TSBP1: variants seen among roughly 807,000 people sequenced by gnomAD.
The protein encoded by TSBP1 is testis expressed basic protein 1.
A neutral mutation model predicts 68.8 loss-of-function variants in TSBP1; 56 were observed. The ratio of observed to expected loss-of-function variants is 0.81; its 90% CI spans 0.66 to 1.02. TSBP1 has a LOEUF of 1.02. TSBP1 is among the 50% of genes least tolerant of loss of function. TSBP1 has a pLI of 0.00. For missense variants in TSBP1, 502 were observed against 641.2 expected (o/e 0.78, Z 2.34); for synonymous variants, 171 against 208.7 (o/e 0.82, Z 1.56).
chr6:32,363,508 TTC>T (rs752161035), intron 6 of TSBP1, among the ~76,000 whole-genome samples: 3 of 151,464 alleles, frequency 2.0e-5, no homozygotes, highest in Non-Finnish European at 4.4e-5. Context: ...TTTAATATCT[TTC>T]TGTTTTGTGT....
intron 8 of TSBP1, among the ~76,000 whole-genome samples, chr6:32,352,489 A>G (rs1215899331): frequency 6.6e-6 from 1 of 151,942 alleles, no homozygotes; most frequent in African/African-American, 2.4e-5. Context: ...GGTAGAAAAG[A>G]AGATTTAAAA....
chr6:32,322,205 G>C (rs1562102242), intron 18 of TSBP1, among the ~76,000 whole-genome samples: 1 of 152,198 alleles, frequency 6.6e-6, no homozygotes, highest in Non-Finnish European at 1.5e-5. Context: ...GTGAAAGGCG[G>C]TTTCACGAAT....
intron 22 of TSBP1, among the ~76,000 whole-genome samples, chr6:32,297,267 G>A (rs1260051081): frequency 6.6e-6 from 1 of 152,108 alleles, no homozygotes; most frequent in African/African-American, 2.4e-5. Context: ...CTGGCTGCAA[G>A]TACATTTATT....
Position 32,366,262 on chromosome 6 carries a change from C to T in TSBP1, c.196+11G>A, listed in dbSNP as rs1773700362. The T allele has an allele frequency of 1.9e-6, 3 of 1,595,616 alleles. No individual in the cohort carries two copies. The highest frequency in any genetic ancestry group is 1.2e-5 in the South Asian group (1 of 86,950). Reference sequence around the variant, plus strand: ...CTCCTATATTAATTTCTTAGCAATACAATAATTTACCACTTTGTGTTGAAT... The same window carrying T: ...CTCCTATATTAATTTCTTAGCAATATAATAATTTACCACTTTGTGTTGAAT... On this transcript the variant is annotated intron_variant, in intron 5 of 22. Coordinates refer to ENST00000612031, the Ensembl canonical transcript of TSBP1.
intron 16 of TSBP1, among the ~76,000 whole-genome samples, chr6:32,326,801 G>A (rs1462799276): frequency 1.3e-5 from 2 of 152,232 alleles, no homozygotes; most frequent in African/African-American, 2.4e-5. Context: ...GGCATAGAGC[G>A]CTGTGCTGGG....
intron 4 of TSBP1, among the ~76,000 whole-genome samples, chr6:32,366,762 C>CAAAAAAAAAAAAAA (rs9257084): frequency 1.3e-5 from 1 of 77,432 alleles, no homozygotes; most frequent in Admixed American, 1.9e-4. Flanking sequence ...GACTCCGTCT[C>CAAAAAAAAAAAAAA]AAAAAAAAAA....
In TSBP1 at chr6:32,343,651, C is replaced by T. The variant is rs1027954615; in HGVS notation, c.350-4013G>A. Among the ~76,000 whole-genome samples the T allele has an allele frequency of 3.9e-5, 6 of 152,040 alleles. No homozygotes were observed. Among genetic ancestry groups the T allele is most frequent in the South Asian group, 2.1e-4 (1 of 4,826 alleles). On this transcript the variant is annotated intron_variant, in intron 9 of 22. Transcript: ENST00000612031. This position sits in a 1 kb window ranked among gnomAD's most constrained non-coding sequence, Gnocchi z 4.3. ...TTCTAGTTTTATAAGAAAAGAAAAC[C>T]GAGATTGAGAAAGGGAAGGGCTGTG...
At chr6:32,355,200 CT>C in intron 7 of TSBP1, 56 bp from the exon 8 acceptor site, 1 of 1,560,454 alleles carries the variant, frequency 6.4e-7, no homozygotes, top group Non-Finnish European at 8.8e-7. Flanking sequence ...GATCCCTAAT[CT>C]TTACATATCA....
intron 9 of TSBP1, among the ~76,000 whole-genome samples, chr6:32,342,289 G>A (rs529205962): frequency 2.0e-5 from 3 of 151,490 alleles, no homozygotes; most frequent in Non-Finnish European, 4.4e-5. Flanking sequence ...TCAGCCTCCC[G>A]AGTAGCTGGA....
chr6:32,310,761 A>ATATATATTTTTTTTTTTT, intron 19 of TSBP1, among the ~76,000 whole-genome samples: 7 of 144,832 alleles, frequency 4.8e-5, no homozygotes, highest in Admixed American at 4.1e-4. Flanking sequence ...ATATATATAT[A>ATATATATTTTTTTTTTTT]TTTTTAATCT....
chr6:32,293,048 T>G (rs1764309959), exon 23 of TSBP1: 2 of 1,612,640 alleles, frequency 1.2e-6, no homozygotes, highest in Non-Finnish European at 1.7e-6. Context: ...GCCTTTTGAT[T>G]TTTCACCATT....
intron 18 of TSBP1, chr6:32,320,108 G>A (rs1767451124): frequency 2.2e-6 from 1 of 454,548 alleles, no homozygotes; most frequent in Admixed American, 2.4e-5. Flanking sequence ...ATAACTTTTA[G>A]TAGTTTCTTA....
Position 32,323,144 on chromosome 6 carries a change from A to T in TSBP1, c.539-7T>A. 1 of 1,563,126 alleles carries T rather than the reference A, an allele frequency of 6.4e-7. No individual in the cohort carries two copies. Among genetic ancestry groups the T allele is most frequent in the Non-Finnish European group, 8.8e-7 (1 of 1,136,388 alleles). On this transcript the variant is annotated splice_region_variant and splice_polypyrimidine_tract_variant and intron_variant, in intron 17 of 22. Transcript: ENST00000612031. ...ATGGGTGCCATGGGTGGACCTAAAAACCAAAGTAGATATTGGTGAAGATTT... is the reference window on the plus strand; with the variant it reads ...ATGGGTGCCATGGGTGGACCTAAAATCCAAAGTAGATATTGGTGAAGATTT...
At position 32,366,118 on chromosome 6, in the gene TSBP1, A is replaced by G. The variant is rs772635072; in HGVS notation, c.217+49T>C. On this transcript the variant is annotated intron_variant, in intron 6 of 22. Coordinates refer to ENST00000612031, the Ensembl canonical transcript of TSBP1. ...TATAGCCTTTTATGTTGTGGCAGGA[A>G]GAAGCCTGATTTTCCTTTAATTTTA... 13 of 1,596,804 alleles carry G rather than the reference A, an allele frequency of 8.1e-6. No homozygotes were observed. In the South Asian group the frequency reaches 1.0e-4, roughly 12 times the overall value.
At chr6:32,355,228 C>G in intron 7 of TSBP1, 84 bp from the exon 8 acceptor site, 1 of 1,396,850 alleles carries the variant, frequency 7.2e-7, no homozygotes, top group Non-Finnish European at 1.0e-6. Flanking sequence ...GTTGCTGTCA[C>G]CCCCTTCTCA....
intron 8 of TSBP1, among the ~76,000 whole-genome samples, chr6:32,351,616 TG>T (rs1771728195): frequency 6.6e-6 from 1 of 152,108 alleles, no homozygotes; most frequent in South Asian, 2.1e-4. Flanking sequence ...GATACAAATA[TG>T]GGCAAAATTC....
intron 14 of TSBP1, among the ~76,000 whole-genome samples, chr6:32,334,203 T>G (rs552707034): frequency 4.7e-4 from 71 of 152,282 alleles, no homozygotes; most frequent in Admixed American, 2.8e-3. Context: ...CCCTTCTTTA[T>G]TCTCTTATGT....
rs1774029841 is a variant in TSBP1 at position 32,368,637 on chromosome 6, A to G, written c.133+145T>C. The G allele has an allele frequency of 8.8e-6, 7 of 799,216 alleles. No homozygotes were observed. The South Asian group carries it at 1.4e-4, about 16-fold the overall frequency. 49.5% of individuals were successfully genotyped at this position (799,216 alleles called of 1,614,324 possible). A position where few individuals can be genotyped will look rare whatever the true frequency, so the allele number is the denominator to read the frequency against. On this transcript the variant is annotated intron_variant, in intron 3 of 22. Transcript: ENST00000612031. ...CAGAAATCTCTGGTAGATTTCTCCC[A>G]CTCACTTAGAAGCAGTTCAGTTCAT...
Position 32,325,774 on chromosome 6 carries a change from G to T in TSBP1, c.515-2160C>A, listed in dbSNP as rs533856519. The T allele has an allele frequency of 4.3e-6, 5 of 1,152,416 alleles. No homozygotes were observed. The South Asian group carries it at 6.1e-5, about 14-fold the overall frequency. The allele number at this position is 1,152,416 out of a possible 1,614,324, so 71.4% of individuals were successfully genotyped here. On this transcript the variant is annotated intron_variant, in intron 16 of 22. Coordinates refer to ENST00000612031, the Ensembl canonical transcript of TSBP1. This position sits in a 1 kb window ranked among gnomAD's most constrained non-coding sequence, Gnocchi z 4.4. ...GGAAAGTCTGTCAAAGCAAGAGATGGCTAGTGCTCCATCCAGCCGAAGAGG... is the reference window on the plus strand; with the variant it reads ...GGAAAGTCTGTCAAAGCAAGAGATGTCTAGTGCTCCATCCAGCCGAAGAGG...
Sources: gnomAD v4.1 joint callset for allele counts (sites outside exome capture counted in the v4.1 genomes callset) on GRCh38, gnomAD v4.1.1 for gene constraint, Gnocchi (gnomAD v3.1) non-coding constraint, MANE v1.5 for transcripts, NCBI Gene and HGNC (gene_info 2026-07-23, HGNC 2026-07-21) for gene names.